XKR3: variants seen among roughly 807,000 people sequenced by gnomAD.
XKR3 encodes XK-related protein 3.
A neutral mutation model predicts 40.3 loss-of-function variants in XKR3; 27 were observed. The observed-to-expected ratio is 0.67, with a 90% confidence interval of 0.49 to 0.92. XKR3 has a LOEUF of 0.92. XKR3 is among the 40% of genes least tolerant of loss of function. XKR3 has a pLI of 0.00. For missense variants in XKR3, 472 were observed against 537.6 expected (o/e 0.88, Z 1.21); for synonymous variants, 193 against 195.4 (o/e 0.99, Z 0.10).
intron 1 of XKR3, among the ~76,000 whole-genome samples, chr22:16,808,581 G>A (rs998716469): frequency 3.9e-5 from 6 of 152,126 alleles, no homozygotes; most frequent in African/African-American, 1.4e-4. Flanking sequence ...CTAGATGTTG[G>A]TTATTTGCAT....
At chr22:16,823,791 C>T (rs1421845301) in intron 1 of XKR3, among the ~76,000 whole-genome samples, 4 of 131,794 alleles carry the variant, frequency 3.0e-5, no homozygotes, top group Non-Finnish European at 6.5e-5. Flanking sequence ...CTTTAGGGTA[C>T]TCAAGTACTA....
At chr22:16,791,511 T>C (rs1386850425) in intron 3 of XKR3, among the ~76,000 whole-genome samples, 5 of 151,630 alleles carry the variant, frequency 3.3e-5, no homozygotes, top group African/African-American at 1.2e-4. Flanking sequence ...TTGAAATATG[T>C]ACACAGAATG....
At position 16,795,611 on chromosome 22, in the gene XKR3, A is replaced by T. The variant is rs1398944543; in HGVS notation, c.589+4160T>A. Among the ~76,000 whole-genome samples the T allele has an allele frequency of 2.0e-5, 3 of 152,178 alleles. No individual in the cohort carries two copies. The East Asian group carries it at 5.8e-4, about 29-fold the overall frequency. ...AAAAGATCACTTAAACCAAACCAAG[A>T]GTTGGCCTTTGAAAATAAAATAAAT... On this transcript the variant is annotated intron_variant, in intron 3 of 3. Coordinates refer to ENST00000684488, the MANE Select transcript of XKR3 (RefSeq NM_001386955.1).
chr22:16,794,998 G>C (rs1179601304), intron 3 of XKR3, among the ~76,000 whole-genome samples: 1 of 152,152 alleles, frequency 6.6e-6, no homozygotes, highest in Non-Finnish European at 1.5e-5. Context: ...TGTAGAACAA[G>C]TTCTTGACTA....
chr22:16,793,501 T>A (rs2060129103), intron 3 of XKR3, among the ~76,000 whole-genome samples: 1 of 152,212 alleles, frequency 6.6e-6, no homozygotes, highest in African/African-American at 2.4e-5. Flanking sequence ...CTACTTCATG[T>A]TATTTAGGTG....
chr22:16,805,874 G>A (rs941496601), intron 2 of XKR3, among the ~76,000 whole-genome samples: 8 of 151,970 alleles, frequency 5.3e-5, no homozygotes, highest in Non-Finnish European at 7.4e-5. Flanking sequence ...TTATTCATTC[G>A]CATTAGGAGC....
chr22:16,804,927 C>A (rs1184005196), intron 2 of XKR3, among the ~76,000 whole-genome samples: 1 of 152,210 alleles, frequency 6.6e-6, no homozygotes, highest in Non-Finnish European at 1.5e-5. Context: ...CACGGTCACT[C>A]ACATTTAGCT....
chr22:16,785,338 G>A (rs1204819321), intron 3 of XKR3, among the ~76,000 whole-genome samples: 1 of 150,978 alleles, frequency 6.6e-6, no homozygotes, highest in Non-Finnish European at 1.5e-5. Context: ...CAAAAAAAAA[G>A]AAGTGTGTGT....
chr22:16,788,974 C>T (rs1180286739), intron 3 of XKR3, among the ~76,000 whole-genome samples: 1 of 152,074 alleles, frequency 6.6e-6, no homozygotes, highest in Admixed American at 6.5e-5. Flanking sequence ...ACAAATTATG[C>T]ATAGAACAAT....
At chr22:16,797,530 C>T (rs1472768479) in intron 3 of XKR3, among the ~76,000 whole-genome samples, 11 of 152,218 alleles carry the variant, frequency 7.2e-5, no homozygotes, top group African/African-American at 2.4e-4. Flanking sequence ...CAGTGGCTCG[C>T]GCCTGTAATC....
At chr22:16,824,185 A>T (rs2060265998) in intron 1 of XKR3, among the ~76,000 whole-genome samples, 1 of 152,148 alleles carries the variant, frequency 6.6e-6, no homozygotes, top group African/African-American at 2.4e-5. Flanking sequence ...GACAGAAAAA[A>T]CACTCTTGTA....
chr22:16,809,641 T>C (rs1344530698), intron 1 of XKR3, among the ~76,000 whole-genome samples: 1 of 152,232 alleles, frequency 6.6e-6, no homozygotes, highest in South Asian at 2.1e-4. Context: ...CCATTGATAA[T>C]ATGCTCTCAT....
chr22:16,811,593 T>C (rs1314774771), intron 1 of XKR3, among the ~76,000 whole-genome samples: 1 of 152,240 alleles, frequency 6.6e-6, no homozygotes, highest in Non-Finnish European at 1.5e-5. Context: ...TGCTTATATG[T>C]ATGTATAACA....
Position 16,799,910 on chromosome 22 carries a change from T to A in XKR3, c.450A>T (p.Ala150=). Residue 150 remains alanine, a synonymous_variant, in exon 3 of 4, where the codon GCA becomes GCT. Transcript: ENST00000684488. ...KRNTMLEREI[A]FSIRDNFMQQ... The stretch of plus-strand genomic sequence containing the variant: ...GCATGAAATTATCCCGGATTGAGAA[T>A]GCAATCTCCCTTTCCAGCATCGTGT... The A allele has an allele frequency of 6.2e-7, 1 of 1,614,128 alleles. No homozygotes were observed. Among genetic ancestry groups the A allele is most frequent in the Non-Finnish European group, 8.5e-7 (1 of 1,180,014 alleles).
chr22:16,818,416 A>T (rs1242109496), intron 1 of XKR3, among the ~76,000 whole-genome samples: 1 of 152,118 alleles, frequency 6.6e-6, no homozygotes, highest in Non-Finnish European at 1.5e-5. Context: ...CATGTATCCC[A>T]CATAATGGAC....
intron 3 of XKR3, among the ~76,000 whole-genome samples, chr22:16,796,676 G>T (rs2060142390): frequency 6.6e-6 from 1 of 152,142 alleles, no homozygotes; most frequent in Non-Finnish European, 1.5e-5. Flanking sequence ...AGCATCAAAA[G>T]AATGTACTTG....
At chr22:16,796,465 T>C (rs1422121428) in intron 3 of XKR3, among the ~76,000 whole-genome samples, 3 of 152,122 alleles carry the variant, frequency 2.0e-5, no homozygotes, top group Non-Finnish European at 4.4e-5. Context: ...TAACAAAATC[T>C]CAGCAAACTG....
chr22:16,783,811 G>GA lies in XKR3; in HGVS notation c.1187dup (p.Tyr397LeufsTer18). On this transcript the variant is annotated frameshift_variant, in exon 4 of 4. Transcript: ENST00000684488. LOFTEE classifies it high-confidence loss of function. The stretch of plus-strand genomic sequence containing the variant: ...ACTGCCATGGGTACAAATACTGATA[G>GA]AAGAGGAGCATAAAGCCAGTGGCCA... 6.2e-7 allele frequency: 1 copy of GA among 1,614,184 alleles called. No homozygotes were observed.
At chr22:16,820,516 A>G (rs2060250992) in intron 1 of XKR3, among the ~76,000 whole-genome samples, 1 of 152,150 alleles carries the variant, frequency 6.6e-6, no homozygotes, top group South Asian at 2.1e-4. Flanking sequence ...TGGGTGCTGC[A>G]GCTTCTCAAC....
Sources: gnomAD v4.1 joint callset for allele counts (sites outside exome capture counted in the v4.1 genomes callset) on GRCh38, gnomAD v4.1.1 for gene constraint, MANE v1.5 for transcripts, NCBI Gene and HGNC (gene_info 2026-07-23, HGNC 2026-07-21) for gene names.